The following TRPC7 variants were observed in gnomAD, a reference collection of about 807,000 sequenced individuals.
The protein encoded by TRPC7 is short transient receptor potential channel 7.
A neutral mutation model predicts 90.1 loss-of-function variants in TRPC7; 42 were observed. That is an observed-to-expected ratio of 0.47 (90% CI 0.36 to 0.60). TRPC7 has a LOEUF of 0.60. Ranked by LOEUF, TRPC7 falls within the 20% of genes least tolerant of loss-of-function variation. The pLI is 0.00. For missense variants in TRPC7, 955 were observed against 1,112.3 expected (o/e 0.86, Z 2.01); for synonymous variants, 451 against 436.3 (o/e 1.03, Z -0.42).
At chr5:136,337,751 G>A (rs1293335387) in intron 2 of TRPC7, among the ~76,000 whole-genome samples, 1 of 151,942 alleles carries the variant, frequency 6.6e-6, no homozygotes, top group Admixed American at 6.6e-5. Context: ...ATTATTTAGA[G>A]TATGAACTTC....
At chr5:136,216,135 C>A (rs1755259070) in intron 11 of TRPC7, 65 bp downstream of exon 11, 2 of 1,347,832 alleles carry the variant, frequency 1.5e-6, no homozygotes, top group Admixed American at 3.8e-5. Flanking sequence ...TGGCCGTAGC[C>A]CAGTGAGACC....
chr5:136,291,207 T>A (rs1458666199), intron 3 of TRPC7, among the ~76,000 whole-genome samples: 2 of 152,158 alleles, frequency 1.3e-5, no homozygotes, highest in Non-Finnish European at 2.9e-5. Flanking sequence ...GTAAAGACCA[T>A]CAAGGCTAGG....
At chr5:136,294,967 G>A (rs2149827078) in intron 3 of TRPC7, among the ~76,000 whole-genome samples, 1 of 152,284 alleles carries the variant, frequency 6.6e-6, no homozygotes, top group South Asian at 2.1e-4. Flanking sequence ...CCATAAAAAG[G>A]ATGAGTTAAT....
In TRPC7 at chr5:136,266,313, T is replaced by C; in HGVS notation, c.1252A>G (p.Asn418Asp). 1.2e-6 allele frequency: 2 copies of C among 1,613,920 alleles called. No homozygotes were observed. The highest frequency in any genetic ancestry group is 1.7e-6 in the Non-Finnish European group (2 of 1,179,820). ...DRFEGVKTLP[N>D]ETFTDYPKQI... ...TTTGGGTAGTCTGTGAAGGTTTCGT[T>C]TGGCAGGGTTTTAACACCTTCAAAT... Residue 418 changes from asparagine (N) to aspartate (D), a missense_variant, in exon 5 of 12, where the codon AAC becomes GAC. Physicochemically the swap from Asn to Asp is conservative, Grantham distance 23. This residue lies in a region of TRPC7 where 484 missense variants were observed against 509.6 expected (regional missense o/e 0.95). Coordinates refer to ENST00000513104, the MANE Select transcript of TRPC7 (RefSeq NM_020389.3).
chr5:136,225,997 C>A (rs1755614827), intron 9 of TRPC7, 37 bp downstream of exon 9: 1 of 1,536,546 alleles, frequency 6.5e-7, no homozygotes, highest in South Asian at 1.2e-5. Context: ...CCCCCTCCTG[C>A]TGCCTTCTCC....
chr5:136,221,666 T>C (rs146177720), intron 10 of TRPC7, among the ~76,000 whole-genome samples: 1 of 152,200 alleles, frequency 6.6e-6, no homozygotes, highest in African/African-American at 2.4e-5. Flanking sequence ...GTGGACAAAA[T>C]AGATCACAGG....
intron 2 of TRPC7, among the ~76,000 whole-genome samples, chr5:136,327,291 TAGAG>T (rs1280347389): frequency 3.9e-5 from 6 of 152,112 alleles, no homozygotes; most frequent in Admixed American, 3.3e-4. Flanking sequence ...TAGATGTTCT[TAGAG>T]AGGAGAGAAA....
At chr5:136,230,367 T>C (rs1580842422) in intron 8 of TRPC7, among the ~76,000 whole-genome samples, 1 of 152,228 alleles carries the variant, frequency 6.6e-6, no homozygotes, top group South Asian at 2.1e-4. Context: ...CCGTGGTGTC[T>C]TTCTTGTGGA....
intron 5 of TRPC7, among the ~76,000 whole-genome samples, chr5:136,255,049 A>G (rs888241152): frequency 2.0e-5 from 3 of 152,216 alleles, no homozygotes; most frequent in Non-Finnish European, 4.4e-5. Context: ...TAAAACTTCA[A>G]TGGATGAGGA....
chr5:136,246,712 A>G (rs185900595), intron 7 of TRPC7, among the ~76,000 whole-genome samples: 12 of 152,338 alleles, frequency 7.9e-5, no homozygotes, highest in Admixed American at 2.0e-4. Context: ...ACTCTAATAA[A>G]GTGTTAGCAT....
At chr5:136,268,510 A>G (rs1287840541) in intron 4 of TRPC7, among the ~76,000 whole-genome samples, 1 of 152,208 alleles carries the variant, frequency 6.6e-6, no homozygotes, top group East Asian at 1.9e-4. Flanking sequence ...GGATGAGGAT[A>G]TGGGGTATAC....
intron 5 of TRPC7, among the ~76,000 whole-genome samples, chr5:136,255,450 G>A (rs570447369): frequency 6.6e-6 from 1 of 152,330 alleles, no homozygotes; most frequent in African/African-American, 2.4e-5. Flanking sequence ...ATGATTGTTA[G>A]CATTTTCTAG....
In TRPC7 at chr5:136,357,382, C is replaced by T. The variant is rs1482652675; in HGVS notation, c.6G>A (p.Leu2=). The part of the protein sequence containing the change: M[L]RNSTFKNMQR... ...GCATGTTTTTGAAGGTGCTGTTCCT[C>T]AACCTATGGGACAAGGCAAAGATGC... The change falls in exon 2 of 12, where the codon TTG becomes TTA. Residue 2 remains leucine (L), a synonymous_variant. Transcript: ENST00000513104. The T allele has an allele frequency of 3.1e-6, 5 of 1,594,292 alleles. No homozygotes were observed. The highest frequency in any genetic ancestry group is 3.4e-6 in the Non-Finnish European group (4 of 1,176,450).
intron 2 of TRPC7, among the ~76,000 whole-genome samples, chr5:136,326,975 T>C (rs779482957): frequency 1.8e-4 from 27 of 151,942 alleles, no homozygotes; most frequent in Non-Finnish European, 3.7e-4. Flanking sequence ...TCAAGGGAGA[T>C]GGAAAAACTG....
intron 3 of TRPC7, among the ~76,000 whole-genome samples, chr5:136,275,956 C>T (rs1314081940): frequency 6.6e-6 from 1 of 152,196 alleles, no homozygotes; most frequent in Non-Finnish European, 1.5e-5. Flanking sequence ...GGCCCAGCTC[C>T]ACTCTACCCA....
intron 2 of TRPC7, among the ~76,000 whole-genome samples, chr5:136,323,122 T>C (rs1247202959): frequency 6.6e-6 from 1 of 152,214 alleles, no homozygotes; most frequent in East Asian, 1.9e-4. Context: ...CTTGTGGTAG[T>C]GGATAAGTCT....
In TRPC7 at chr5:136,356,864, T is replaced by C. The variant is rs1041562468; in HGVS notation, c.524A>G (p.Gln175Arg). The stretch of plus-strand genomic sequence containing the variant: ...CAGGATGTGCACGATCTCATACTCC[T>C]GGCAGTGCGCCGCCAGGATGATGGG... Reference protein sequence around the residue: ...ITPIILAAHCQEYEIVHILLL... With the variant: ...ITPIILAAHCREYEIVHILLL... Residue 175 changes from glutamine (Q) to arginine (R), a missense_variant, in exon 2 of 12, where the codon CAG becomes CGG. Physicochemically the swap from Gln to Arg is conservative, Grantham distance 43. This residue lies in a region of TRPC7 where 484 missense variants were observed against 509.6 expected (regional missense o/e 0.95). Coordinates refer to ENST00000513104, the MANE Select transcript of TRPC7 (RefSeq NM_020389.3). The C allele has an allele frequency of 1.2e-6, 2 of 1,613,924 alleles. No individual in the cohort carries two copies. The highest frequency in any genetic ancestry group is 1.1e-5 in the South Asian group (1 of 91,080).
intron 3 of TRPC7, among the ~76,000 whole-genome samples, chr5:136,301,499 A>G (rs1429389192): frequency 6.6e-6 from 1 of 152,022 alleles, no homozygotes; most frequent in Non-Finnish European, 1.5e-5. Context: ...ATGACATTCC[A>G]CCATTGTGAT....
chr5:136,239,643 T>C (rs373196747), intron 7 of TRPC7, among the ~76,000 whole-genome samples: 1 of 152,302 alleles, frequency 6.6e-6, no homozygotes, highest in East Asian at 1.9e-4. Context: ...TTTGCAGCCA[T>C]AGCCTGCCAC....
Sources: gnomAD v4.1 joint callset for allele counts (sites outside exome capture counted in the v4.1 genomes callset) on GRCh38, gnomAD v4.1.1 for gene constraint, gnomAD v4.1.1 regional missense constraint, MANE v1.5 for transcripts, NCBI Gene and HGNC (gene_info 2026-07-23, HGNC 2026-07-21) for gene names.